The following CDH12 variants were observed in gnomAD, a reference collection of about 807,000 sequenced individuals.
CDH12 encodes the protein cadherin-12.
CDH12 carries 41 observed loss-of-function variants against 74.1 expected under a neutral mutation model. The observed-to-expected ratio is 0.55, with a 90% CI of 0.43 to 0.72. The LOEUF is 0.72. CDH12 is among the 30% of genes least tolerant of loss of function. CDH12 has a pLI of 0.00. For synonymous variants in CDH12, 399 were observed against 355.0 expected, an observed-to-expected ratio of 1.12 and a Z score of -1.39; for missense variants, 945 against 977.2, an observed-to-expected ratio of 0.97 and a Z score of 0.44.
intron 1 of CDH12, among the ~76,000 whole-genome samples, chr5:22,697,408 A>T (rs1242018190): frequency 6.6e-6 from 1 of 151,772 alleles, no homozygotes; most frequent in Non-Finnish European, 1.5e-5. Context: ...CGTCTCTACT[A>T]AAAAATAGAA....
chr5:22,138,514 G>A (rs986790487), intron 4 of CDH12, among the ~76,000 whole-genome samples: 2 of 150,430 alleles, frequency 1.3e-5, no homozygotes, highest in African/African-American at 4.9e-5. Context: ...TTATAAAGTT[G>A]GGGAAAAAAA....
intron 3 of CDH12, among the ~76,000 whole-genome samples, chr5:22,385,689 C>T (rs1741966483): frequency 1.3e-5 from 2 of 152,046 alleles, no homozygotes; most frequent in Admixed American, 1.3e-4. Flanking sequence ...TCTGTTCTTG[C>T]ACTGCTATAA....
chr5:22,791,617 C>T (rs1336121151), intron 1 of CDH12, among the ~76,000 whole-genome samples: 1 of 152,072 alleles, frequency 6.6e-6, no homozygotes, highest in Non-Finnish European at 1.5e-5. Flanking sequence ...TAAAGACATA[C>T]CTGAGATTGG....
intron 4 of CDH12, among the ~76,000 whole-genome samples, chr5:22,192,943 A>G (rs1047634745): frequency 2.6e-5 from 4 of 152,218 alleles, no homozygotes; most frequent in African/African-American, 9.6e-5. Flanking sequence ...TACTTAAAAG[A>G]GGTGCAGTAG....
intron 5 of CDH12, among the ~76,000 whole-genome samples, chr5:22,036,258 G>T (rs1739180734): frequency 6.6e-6 from 1 of 152,088 alleles, no homozygotes; most frequent in African/African-American, 2.4e-5. Context: ...AATGCTAAGG[G>T]TCATGTGAAA....
chr5:22,725,909 T>C (rs1231839120), intron 1 of CDH12, among the ~76,000 whole-genome samples: 1 of 151,782 alleles, frequency 6.6e-6, no homozygotes, highest in African/African-American at 2.4e-5. Flanking sequence ...TTTCCACTTT[T>C]ATTTTTAAAT....
intron 8 of CDH12, among the ~76,000 whole-genome samples, chr5:21,840,021 T>TATG (rs1749751922): frequency 6.6e-6 from 1 of 152,152 alleles, no homozygotes; most frequent in South Asian, 2.1e-4. Context: ...TCATAGAAAC[T>TATG]ATAGCAATTT....
intron 1 of CDH12, among the ~76,000 whole-genome samples, chr5:22,741,158 G>C (rs1745006720): frequency 6.6e-6 from 1 of 152,112 alleles, no homozygotes; most frequent in African/African-American, 2.4e-5. Context: ...CTCTCTAAAG[G>C]TAAGTCTACT....
intron 3 of CDH12, among the ~76,000 whole-genome samples, chr5:22,404,451 A>C (rs147409623): frequency 0.012 from 1,759 of 152,230 alleles, 37 homozygotes; most frequent in African/African-American, 0.039. Context: ...TCTCATCAAG[A>C]AGCCTGCCCT....
intron 1 of CDH12, among the ~76,000 whole-genome samples, chr5:22,647,406 G>T (rs1256717470): frequency 1.3e-5 from 2 of 151,464 alleles, no homozygotes; most frequent in Non-Finnish European, 3.0e-5. Context: ...TAGTAAGCTT[G>T]GTATGCCATA....
chr5:22,205,914 C>T (rs1435269788), intron 4 of CDH12, among the ~76,000 whole-genome samples: 1 of 152,054 alleles, frequency 6.6e-6, no homozygotes, highest in African/African-American at 2.4e-5. Context: ...CTTTCTAAGA[C>T]ATCCAACTAT....
intron 8 of CDH12, among the ~76,000 whole-genome samples, chr5:21,835,612 C>T (rs917106180): frequency 3.3e-5 from 5 of 151,720 alleles, no homozygotes; most frequent in Non-Finnish European, 7.4e-5. Flanking sequence ...TTACCATTTT[C>T]CAAGTTTAAG....
chr5:22,489,469 A>G (rs1746765381), intron 2 of CDH12, among the ~76,000 whole-genome samples: 1 of 152,040 alleles, frequency 6.6e-6, no homozygotes, highest in Non-Finnish European at 1.5e-5. Context: ...TTATTTTGCC[A>G]TGGAATGACA....
chr5:22,446,068 G>C (rs1744804645), intron 2 of CDH12, among the ~76,000 whole-genome samples: 1 of 152,010 alleles, frequency 6.6e-6, no homozygotes, highest in Non-Finnish European at 1.5e-5. Context: ...TGGACAAACA[G>C]GCAACCCCAT....
intron 4 of CDH12, among the ~76,000 whole-genome samples, chr5:22,153,138 G>C (rs1489653560): frequency 6.6e-6 from 1 of 151,030 alleles, no homozygotes; most frequent in Non-Finnish European, 1.5e-5. Flanking sequence ...AGAAGAGAAA[G>C]TGCTGGGTCA....
At chr5:22,593,041 A>AG (rs1276631714) in intron 1 of CDH12, among the ~76,000 whole-genome samples, 26 of 151,628 alleles carry the variant, frequency 1.7e-4, no homozygotes, top group Middle Eastern at 3.4e-3. Context: ...AAAAAGAAAA[A>AG]AAAAAAAAAA....
intron 2 of CDH12, among the ~76,000 whole-genome samples, chr5:22,433,002 T>C (rs887621139): frequency 1.3e-5 from 2 of 152,046 alleles, no homozygotes; most frequent in African/African-American, 2.4e-5. Context: ...TGGAAAGAAA[T>C]TCCACATTCA....
intron 2 of CDH12, among the ~76,000 whole-genome samples, chr5:22,475,364 T>C (rs981473917): frequency 6.6e-6 from 1 of 151,958 alleles, no homozygotes; most frequent in African/African-American, 2.4e-5. Context: ...AACTAACCGA[T>C]TAATAGGAAA....
chr5:22,477,588 T>C (rs1484038418), intron 2 of CDH12, among the ~76,000 whole-genome samples: 1 of 152,214 alleles, frequency 6.6e-6, no homozygotes, highest in East Asian at 1.9e-4. Context: ...TATATTCCTT[T>C]TGGCATATAC....
Sources: allele counts gnomAD v4.1 joint callset (sites outside exome capture counted in the v4.1 genomes callset), GRCh38; gene constraint gnomAD v4.1.1; transcripts MANE v1.5; gene names NCBI Gene and HGNC (gene_info 2026-07-23, HGNC 2026-07-21).